Variants in RYR2 observed in about 807,000 individuals in gnomAD.
RYR2 encodes the protein cardiac muscle ryanodine receptor-calcium release channel.
In RYR2, 227 loss-of-function variants were observed where a neutral mutation model predicts 601.1. The observed-to-expected ratio is 0.38, with a 90% CI of 0.34 to 0.42. The LOEUF is 0.42. Among genes scored for constraint, RYR2 ranks in the 10% least tolerant of loss-of-function variants. The pLI, the probability that RYR2 is intolerant of heterozygous loss-of-function variation, is 1.00. For missense variants in RYR2, 4,646 were observed against 6,156.5 expected (o/e 0.75, Z 8.21); for synonymous variants, 2,223 against 2,175.1 (o/e 1.02, Z -0.61).
Position 237,828,241 on chromosome 1 carries a change from C to T in RYR2, c.14591-140C>T, listed in dbSNP as rs950585104. 21 of 560,984 alleles carry T rather than the reference C, an allele frequency of 3.7e-5. 1 individual carries two copies. The South Asian group carries it at 4.9e-4, about 13-fold the overall frequency. The allele number at this position is 560,984 out of a possible 1,614,324, so 34.8% of individuals were successfully genotyped here. A position where few individuals can be genotyped will look rare whatever the true frequency, so the allele number is the denominator to read the frequency against. On this transcript the variant is annotated intron_variant, in intron 101 of 104. Coordinates refer to ENST00000366574, the MANE Select transcript of RYR2 (RefSeq NM_001035.3). ...ACCGCCTCCTTTCTCCTAGGAGTATCGGATATGTAGTCACGTTTACCATGT... is the reference window on the plus strand; with the variant it reads ...ACCGCCTCCTTTCTCCTAGGAGTATTGGATATGTAGTCACGTTTACCATGT...
At chr1:237,303,728 G>A (rs1412465815) in intron 2 of RYR2, among the ~76,000 whole-genome samples, 2 of 152,124 alleles carry the variant, frequency 1.3e-5, no homozygotes, top group Non-Finnish European at 2.9e-5. Context: ...TATAAATTGT[G>A]ACAGTCTTTG....
At chr1:237,260,462 T>C in intron 1 of RYR2, among the ~76,000 whole-genome samples, 1 of 152,186 alleles carries the variant, frequency 6.6e-6, no homozygotes, top group East Asian at 1.9e-4. Flanking sequence ...TGTCCAGGGA[T>C]AGCAAAGATG....
Position 237,795,296 on chromosome 1 carries a change from C to A in RYR2, c.13921C>A (p.Pro4641Thr). 7.1e-7 allele frequency: 1 copy of A among 1,401,636 alleles called. No homozygotes were observed. Among genetic ancestry groups the A allele is most frequent in the Non-Finnish European group, 9.8e-7 (1 of 1,018,910 alleles). The allele number at this position is 1,401,636 out of a possible 1,614,324, so 86.8% of individuals were successfully genotyped here. The part of the protein sequence containing the change: ...DRLVINTQSF[P>T]NNYWDKFVKR... ...TGCTTTTGTATATTTTAGGTCATTT[C>A]CCAACAACTACTGGGACAAATTTGT... Residue 4641 changes from proline (P) to threonine (T), a missense_variant, in exon 96 of 105, where the codon CCC becomes ACC. Transcript: ENST00000366574.
intron 2 of RYR2, among the ~76,000 whole-genome samples, chr1:237,300,963 G>T (rs1693289323): frequency 6.6e-6 from 1 of 152,052 alleles, no homozygotes; most frequent in Non-Finnish European, 1.5e-5. Flanking sequence ...CTGGTACATT[G>T]TAAGGACTCA....
At chr1:237,509,604 C>T (rs942920901) in intron 23 of RYR2, among the ~76,000 whole-genome samples, 4 of 152,138 alleles carry the variant, frequency 2.6e-5, no homozygotes, top group Admixed American at 1.3e-4. Flanking sequence ...TGTATGTCTA[C>T]TATTTGCCTG....
chr1:237,251,257 C>A (rs1243188955), intron 1 of RYR2, among the ~76,000 whole-genome samples: 1 of 152,102 alleles, frequency 6.6e-6, no homozygotes, highest in Non-Finnish European at 1.5e-5. Flanking sequence ...TAAAACAAGT[C>A]AAGAGTTGTC....
Position 237,570,635 on chromosome 1 carries a change from G to A in RYR2, c.3598+1316G>A, listed in dbSNP as rs150078761. 2.3e-3 allele frequency among the ~76,000 whole-genome samples: 348 copies of A among 151,992 alleles called. 2 individuals carry two copies. Among genetic ancestry groups the A allele is most frequent in the African/African-American group, 7.8e-3 (324 of 41,482 alleles). ...ATTACAGGCCTGAGCCACCATGCCC[G>A]GCCTAAATTTTAAAAAGTTAAGAAT... On this transcript the variant is annotated intron_variant, in intron 29 of 104. Coordinates refer to ENST00000366574, the MANE Select transcript of RYR2 (RefSeq NM_001035.3).
At chr1:237,596,187 G>A (rs1420774753) in intron 34 of RYR2, among the ~76,000 whole-genome samples, 1 of 152,090 alleles carries the variant, frequency 6.6e-6, no homozygotes, top group African/African-American at 2.4e-5. Context: ...TAATTCTCTA[G>A]TAACAGATCC....
At chr1:237,590,145 A>G (rs1296121699) in intron 30 of RYR2, 144 bp downstream of exon 30, 1 of 760,536 alleles carries the variant, frequency 1.3e-6, no homozygotes, top group Non-Finnish European at 2.0e-6. Context: ...AATCTAAGCA[A>G]AGATGGTACT....
At chr1:237,124,274 C>G (rs1177485597) in intron 1 of RYR2, among the ~76,000 whole-genome samples, 1 of 152,194 alleles carries the variant, frequency 6.6e-6, no homozygotes, top group Non-Finnish European at 1.5e-5. Context: ...TAGAGGTCAT[C>G]TATTCTAACA....
At chr1:237,276,700 C>G (rs1690322110) in intron 2 of RYR2, among the ~76,000 whole-genome samples, 1 of 152,106 alleles carries the variant, frequency 6.6e-6, no homozygotes, top group African/African-American at 2.4e-5. Context: ...GACCATTTGT[C>G]TAACTACATA....
chr1:237,616,043 GA>G (rs958296978), intron 37 of RYR2, among the ~76,000 whole-genome samples: 6 of 152,276 alleles, frequency 3.9e-5, no homozygotes, highest in African/African-American at 9.6e-5. Flanking sequence ...AGGGAGGAAA[GA>G]GAGTGTGATC....
intron 101 of RYR2, among the ~76,000 whole-genome samples, chr1:237,823,506 A>T (rs1366663730): frequency 6.6e-6 from 1 of 152,228 alleles, no homozygotes; most frequent in Admixed American, 6.5e-5. Flanking sequence ...AACGTACCAG[A>T]ATCTCTGGGA....
At chr1:237,615,394 A>G (rs888571983) in intron 37 of RYR2, among the ~76,000 whole-genome samples, 4 of 151,822 alleles carry the variant, frequency 2.6e-5, no homozygotes, top group African/African-American at 7.3e-5. Context: ...GTCTCGCTCT[A>G]TTGCCCATGC....
chr1:237,750,899 A>G (rs1692484780), intron 80 of RYR2, among the ~76,000 whole-genome samples: 1 of 152,226 alleles, frequency 6.6e-6, no homozygotes, highest in African/African-American at 2.4e-5. Context: ...AATTCTTGGC[A>G]GGGAATTTGG....
At chr1:237,126,771 TTTTA>T (rs1012490193) in intron 1 of RYR2, among the ~76,000 whole-genome samples, 3 of 151,978 alleles carry the variant, frequency 2.0e-5, no homozygotes, top group African/African-American at 7.2e-5. Context: ...ATTTTATTTT[TTTTA>T]TTTATTTATT....
At position 237,410,661 on chromosome 1, in the gene RYR2, T is replaced by C. The variant is rs1462399151; in HGVS notation, c.774-6388T>C. Among the ~76,000 whole-genome samples the C allele has an allele frequency of 3.9e-5, 6 of 151,910 alleles. No homozygotes were observed. In the East Asian group the frequency reaches 1.2e-3, roughly 29 times the overall value. On this transcript the variant is annotated intron_variant, in intron 10 of 104. Coordinates refer to ENST00000366574, the MANE Select transcript of RYR2 (RefSeq NM_001035.3). ...ACCATATGGCTCGCAAAACCGAAAA[T>C]ATTTACTAACTGGCCCTTTACAGAA...
chr1:237,785,939 G>T, intron 90 of RYR2, 30 bp from the exon 91 acceptor site: 2 of 1,498,514 alleles, frequency 1.3e-6, no homozygotes, highest in South Asian at 1.2e-5. Flanking sequence ...GGGTAATCCT[G>T]GTTTTCTTTT....
At chr1:237,288,242 G>C (rs750531787) in intron 2 of RYR2, among the ~76,000 whole-genome samples, 4 of 152,152 alleles carry the variant, frequency 2.6e-5, no homozygotes, top group South Asian at 4.1e-4. Context: ...ACTCCATAAG[G>C]GTTCTTTGCT....
Sources: allele counts gnomAD v4.1 joint callset (sites outside exome capture counted in the v4.1 genomes callset), GRCh38; gene constraint gnomAD v4.1.1; transcripts MANE v1.5; gene names NCBI Gene and HGNC (gene_info 2026-07-23, HGNC 2026-07-21).